The following SGCZ variants were observed in gnomAD, a reference collection of about 807,000 sequenced individuals.
The protein encoded by SGCZ is sarcoglycan zeta, also known as zeta-sarcoglycan.
In SGCZ, 40 loss-of-function variants were observed where a neutral mutation model predicts 41.3. The ratio of observed to expected loss-of-function variants is 0.97; its 90% CI spans 0.75 to 1.26. The LOEUF (loss-of-function observed/expected upper bound fraction) is 1.26. SGCZ is among the 50% of genes most tolerant of loss of function. The pLI is 0.00. For missense variants in SGCZ, 552 were observed against 369.8 expected, an observed-to-expected ratio of 1.49 and a Z score of -4.04; for synonymous variants, 206 against 137.5, an observed-to-expected ratio of 1.50 and a Z score of -3.49.
At chr8:14,423,995 A>T (rs1243004297) in intron 2 of SGCZ, among the ~76,000 whole-genome samples, 1 of 152,228 alleles carries the variant, frequency 6.6e-6, no homozygotes, top group African/African-American at 2.4e-5. Context: ...GAAAGAAAGT[A>T]TATGAGTTAT....
At chr8:15,083,565 A>G (rs1805835010) in intron 1 of SGCZ, among the ~76,000 whole-genome samples, 1 of 151,978 alleles carries the variant, frequency 6.6e-6, no homozygotes, top group Non-Finnish European at 1.5e-5. Flanking sequence ...TGTTATTATT[A>G]TTAGAGACAG....
At chr8:14,924,157 G>C (rs563768153) in intron 1 of SGCZ, among the ~76,000 whole-genome samples, 4 of 152,284 alleles carry the variant, frequency 2.6e-5, no homozygotes, top group Non-Finnish European at 5.9e-5. Context: ...TAGTCTTTAA[G>C]AAAACCTATT....
chr8:14,792,826 T>A (rs12155886), intron 1 of SGCZ, among the ~76,000 whole-genome samples: 21,635 of 152,062 alleles, frequency 0.14, 1,970 homozygotes, highest in Non-Finnish European at 0.2. Flanking sequence ...TCTTTGCCCC[T>A]AAAGATTGGA....
intron 3 of SGCZ, among the ~76,000 whole-genome samples, chr8:14,279,381 T>G (rs1432404925): frequency 6.6e-6 from 1 of 152,032 alleles, no homozygotes; most frequent in African/African-American, 2.4e-5. Context: ...TATACTGCAT[T>G]TCAGGTTATC....
At chr8:14,587,657 A>G (rs762755470) in intron 1 of SGCZ, among the ~76,000 whole-genome samples, 4 of 152,206 alleles carry the variant, frequency 2.6e-5, no homozygotes, top group Non-Finnish European at 5.9e-5. Context: ...TATGCAGCCA[A>G]TCTAATAGGA....
chr8:14,934,447 A>T (rs1415802681), intron 1 of SGCZ, among the ~76,000 whole-genome samples: 1 of 151,958 alleles, frequency 6.6e-6, no homozygotes, highest in Non-Finnish European at 1.5e-5. Flanking sequence ...GTAATGAAAA[A>T]GTAGATTAAC....
intron 2 of SGCZ, among the ~76,000 whole-genome samples, chr8:14,533,999 C>A (rs1420320023): frequency 1.3e-5 from 2 of 151,770 alleles, no homozygotes; most frequent in East Asian, 2.0e-4. Context: ...GCTCATTCTA[C>A]CAGGGGTATG....
At chr8:15,051,481 T>C (rs1199336550) in intron 1 of SGCZ, among the ~76,000 whole-genome samples, 1 of 152,170 alleles carries the variant, frequency 6.6e-6, no homozygotes, top group Non-Finnish European at 1.5e-5. Flanking sequence ...GCTTTTCTCA[T>C]ACATCTCTTG....
At chr8:14,835,727 T>C (rs1308314784) in intron 1 of SGCZ, among the ~76,000 whole-genome samples, 1 of 152,204 alleles carries the variant, frequency 6.6e-6, no homozygotes, top group East Asian at 1.9e-4. Flanking sequence ...ACAGTGACTC[T>C]TGGTAACGCG....
intron 7 of SGCZ, among the ~76,000 whole-genome samples, chr8:14,092,559 G>A (rs1461132231): frequency 6.6e-6 from 1 of 151,984 alleles, no homozygotes; most frequent in Non-Finnish European, 1.5e-5. Context: ...TATTGTGGGA[G>A]GGACCCAGTG....
intron 1 of SGCZ, among the ~76,000 whole-genome samples, chr8:14,738,500 T>C (rs10104886): frequency 0.026 from 3,916 of 152,220 alleles, 173 homozygotes; most frequent in African/African-American, 0.089. Flanking sequence ...AATTAACTAA[T>C]AACCCTTTCT....
At chr8:14,211,425 C>A (rs530273984) in intron 4 of SGCZ, among the ~76,000 whole-genome samples, 1 of 152,100 alleles carries the variant, frequency 6.6e-6, no homozygotes, top group Non-Finnish European at 1.5e-5. Flanking sequence ...GGACCTCAGG[C>A]GAGACATCTT....
intron 1 of SGCZ, among the ~76,000 whole-genome samples, chr8:15,187,087 AAAG>A (rs1375320086): frequency 3.9e-5 from 6 of 152,304 alleles, no homozygotes; most frequent in African/African-American, 9.6e-5. Flanking sequence ...AATTAACTTT[AAAG>A]AAGAAGGCAA....
chr8:14,721,938 TA>T (rs1809899416), intron 1 of SGCZ, among the ~76,000 whole-genome samples: 1 of 152,146 alleles, frequency 6.6e-6, no homozygotes, highest in Non-Finnish European at 1.5e-5. Flanking sequence ...TCTCACACCT[TA>T]GGAGTATTTT....
At chr8:14,259,360 G>T (rs1439757059) in intron 3 of SGCZ, among the ~76,000 whole-genome samples, 3 of 151,708 alleles carry the variant, frequency 2.0e-5, no homozygotes, top group African/African-American at 7.3e-5. Context: ...ATTGCTTTTG[G>T]TGTTTTAGAC....
intron 1 of SGCZ, among the ~76,000 whole-genome samples, chr8:14,978,921 C>T (rs1051978850): frequency 1.3e-5 from 2 of 152,148 alleles, no homozygotes; most frequent in African/African-American, 4.8e-5. Context: ...ATATTAGCCT[C>T]CTGAGTAGCT....
intron 1 of SGCZ, among the ~76,000 whole-genome samples, chr8:14,776,470 T>C (rs1347967423): frequency 6.6e-6 from 1 of 152,114 alleles, no homozygotes; most frequent in African/African-American, 2.4e-5. Flanking sequence ...CTCGGATATG[T>C]CTTTATTAGC....
rs77521457 is a variant in SGCZ at position 14,744,575 on chromosome 8, G to T, written c.40-189649C>A. On this transcript the variant is annotated intron_variant, in intron 1 of 7. Coordinates refer to ENST00000382080, the MANE Select transcript of SGCZ (RefSeq NM_139167.4). ...CTCTGTGGAAGGCTTGTTGGATGGA[G>T]AAATGAGAATACTGGATCCACGTAG... is the stretch of plus-strand genomic sequence containing the variant. Among the ~76,000 whole-genome samples, 606 of 152,230 alleles carry T rather than the reference G, an allele frequency of 4.0e-3. 17 individuals are homozygous for T. The East Asian group carries it at 0.063, about 16-fold the overall frequency.
chr8:14,291,546 C>G (rs13269970), intron 3 of SGCZ, among the ~76,000 whole-genome samples: 121,807 of 151,566 alleles, frequency 0.8, 49,340 homozygotes, highest in Non-Finnish European at 0.85. Context: ...ATTGAAATAT[C>G]TTAGCTGTCT....
Sources: gnomAD v4.1 joint callset for allele counts (sites outside exome capture counted in the v4.1 genomes callset) on GRCh38, gnomAD v4.1.1 for gene constraint, MANE v1.5 for transcripts, NCBI Gene and HGNC (gene_info 2026-07-23, HGNC 2026-07-21) for gene names.